DLGAP1: variants seen among roughly 807,000 people sequenced by gnomAD.
DLGAP1 encodes disks large-associated protein 1.
A neutral mutation model predicts 90.8 loss-of-function variants in DLGAP1; 11 were observed. That is an observed-to-expected ratio of 0.12 (90% CI 0.08 to 0.20). The LOEUF (loss-of-function observed/expected upper bound fraction) is 0.20. DLGAP1 is among the 10% of genes least tolerant of loss of function. DLGAP1 has a pLI of 1.00. For missense variants in DLGAP1, 1,050 were observed against 1,333.8 expected (o/e 0.79, Z 3.31); for synonymous variants, 558 against 540.7 (o/e 1.03, Z -0.44).
chr18:4,101,562 C>T (rs551880308), intron 2 of DLGAP1, among the ~76,000 whole-genome samples: 6 of 152,154 alleles, frequency 3.9e-5, no homozygotes, highest in South Asian at 2.1e-4. Flanking sequence ...ACTCGCATAA[C>T]GCAGGGTTGC....
At chr18:3,990,628 T>TATAATAATAATA (rs77930009) in intron 3 of DLGAP1, among the ~76,000 whole-genome samples, 135 of 143,246 alleles carry the variant, frequency 9.4e-4, no homozygotes, top group African/African-American at 2.0e-3. Context: ...AAACTTAAAA[T>TATAATAATAATA]ATAATAATAA....
At chr18:3,876,564 G>T (rs2071010564) in intron 4 of DLGAP1, among the ~76,000 whole-genome samples, 1 of 152,162 alleles carries the variant, frequency 6.6e-6, no homozygotes, top group South Asian at 2.1e-4. Context: ...AATAATTTCA[G>T]AATTGAAAAC....
chr18:4,380,683 C>T (rs140005648), intron 1 of DLGAP1, among the ~76,000 whole-genome samples: 12 of 152,292 alleles, frequency 7.9e-5, no homozygotes, highest in African/African-American at 2.2e-4. Flanking sequence ...CTGTGCACCC[C>T]GTTCTGGCTT....
At chr18:3,704,765 T>C (rs1374780251) in intron 7 of DLGAP1, among the ~76,000 whole-genome samples, 2 of 152,074 alleles carry the variant, frequency 1.3e-5, no homozygotes, top group Admixed American at 6.6e-5. Context: ...GGGTTGGAGG[T>C]ATCTTGCCAA....
At chr18:4,310,605 CATACAT>C (rs1338809945) in intron 1 of DLGAP1, among the ~76,000 whole-genome samples, 1 of 152,168 alleles carries the variant, frequency 6.6e-6, no homozygotes, top group East Asian at 1.9e-4. Flanking sequence ...TACAGGTTTA[CATACAT>C]TTTCTGACTC....
intron 4 of DLGAP1, among the ~76,000 whole-genome samples, chr18:3,834,236 G>A (rs941862396): frequency 1.3e-5 from 2 of 150,666 alleles, no homozygotes; most frequent in African/African-American, 2.4e-5. Context: ...AACCCAGGAG[G>A]CGGAGCTTGC....
At chr18:4,170,752 T>C (rs1049931846) in intron 1 of DLGAP1, among the ~76,000 whole-genome samples, 3 of 152,190 alleles carry the variant, frequency 2.0e-5, no homozygotes, top group African/African-American at 7.2e-5. Context: ...CCTTACTTAT[T>C]TAAATAAGAA....
chr18:4,183,500 A>G (rs1470872494), intron 1 of DLGAP1, among the ~76,000 whole-genome samples: 1 of 152,172 alleles, frequency 6.6e-6, no homozygotes, highest in African/African-American at 2.4e-5. Flanking sequence ...GGTACAAGCC[A>G]CTTTATTGAC....
Position 4,360,246 on chromosome 18 carries a change from T to A in DLGAP1, c.-267+94760A>T, listed in dbSNP as rs74516912. Among the ~76,000 whole-genome samples the A allele has an allele frequency of 4.6e-3, 696 of 152,232 alleles. 2 individuals are homozygous for A. Among genetic ancestry groups the A allele is most frequent in the Middle Eastern group, 0.02 (6 of 294 alleles). ...TTTTGTGGCATTAGACAGGGTGGAATGGAATATGTGTACTTGGGAGCAAAT... is the reference window on the plus strand; with the variant it reads ...TTTTGTGGCATTAGACAGGGTGGAAAGGAATATGTGTACTTGGGAGCAAAT... On this transcript the variant is annotated intron_variant, in intron 1 of 12. Coordinates refer to ENST00000315677, the MANE Select transcript of DLGAP1 (RefSeq NM_004746.4).
intron 6 of DLGAP1, among the ~76,000 whole-genome samples, chr18:3,732,739 G>C (rs2062487966): frequency 6.6e-6 from 1 of 152,040 alleles, no homozygotes; most frequent in Non-Finnish European, 1.5e-5. Flanking sequence ...TTGATATCTG[G>C]TATGACAAGG....
chr18:3,845,517 G>C, intron 4 of DLGAP1: 1 of 984,296 alleles, frequency 1.0e-6, no homozygotes, highest in Non-Finnish European at 1.2e-6. Context: ...TGAATACTTA[G>C]TGCAGATTTT....
At chr18:3,829,695 T>A (rs930874080) in intron 4 of DLGAP1, among the ~76,000 whole-genome samples, 26 of 152,320 alleles carry the variant, frequency 1.7e-4, no homozygotes, top group African/African-American at 6.3e-4. Flanking sequence ...CAATTTTTGG[T>A]CATAAGGCCT....
At chr18:3,760,620 G>A (rs908664250) in intron 5 of DLGAP1, among the ~76,000 whole-genome samples, 1 of 152,136 alleles carries the variant, frequency 6.6e-6, no homozygotes, top group African/African-American at 2.4e-5. Context: ...TCATACACAT[G>A]TGGGCAAATC....
At chr18:3,600,651 T>C (rs537484027) in intron 7 of DLGAP1, among the ~76,000 whole-genome samples, 32 of 147,404 alleles carry the variant, frequency 2.2e-4, no homozygotes, top group Non-Finnish European at 4.3e-4. Flanking sequence ...AGAATGGAGA[T>C]ATAGATATCT....
At chr18:4,405,426 GA>G (rs201056514) in intron 1 of DLGAP1, among the ~76,000 whole-genome samples, 126 of 149,568 alleles carry the variant, frequency 8.4e-4, no homozygotes, top group Non-Finnish European at 1.7e-3. Flanking sequence ...AAGGAAGGGA[GA>G]AAAAAAAACA....
At chr18:3,918,523 A>T (rs1025970244) in intron 3 of DLGAP1, among the ~76,000 whole-genome samples, 7 of 152,200 alleles carry the variant, frequency 4.6e-5, no homozygotes, top group Non-Finnish European at 1.0e-4. Flanking sequence ...GGGGAAAAAA[A>T]TGCCATTCAG....
At chr18:4,269,261 T>C (rs1411622115) in intron 1 of DLGAP1, among the ~76,000 whole-genome samples, 1 of 150,084 alleles carries the variant, frequency 6.7e-6, no homozygotes, top group African/African-American at 2.4e-5. Context: ...TCCCTGAAAG[T>C]ATAAATAATT....
rs561036800 is a variant in DLGAP1, at chr18:4,107,448, CA to C, written c.-159+43731del. ...GCTCCCCTTTCCCTATCCTGCTTCC[CA>C]ATGTACTTGTTCCCCATGACCCAGA... is the stretch of plus-strand genomic sequence containing the variant. On this transcript the variant is annotated intron_variant, in intron 2 of 12. Coordinates refer to ENST00000315677, the MANE Select transcript of DLGAP1 (RefSeq NM_004746.4). Among the ~76,000 whole-genome samples, 387 of 152,304 alleles carry C rather than the reference CA, an allele frequency of 2.5e-3. 2 individuals carry two copies. Among genetic ancestry groups the C allele is most frequent in the Non-Finnish European group, 3.6e-3 (242 of 68,022 alleles).
chr18:4,307,709 C>CTTT (rs34193366), intron 1 of DLGAP1, among the ~76,000 whole-genome samples: 33 of 107,192 alleles, frequency 3.1e-4, no homozygotes, highest in East Asian at 8.9e-4. Context: ...TGAGGGTTTA[C>CTTT]TTTTTTTTTT....
Sources: gnomAD v4.1 joint callset for allele counts (sites outside exome capture counted in the v4.1 genomes callset) on GRCh38, gnomAD v4.1.1 for gene constraint, MANE v1.5 for transcripts, NCBI Gene and HGNC (gene_info 2026-07-23, HGNC 2026-07-21) for gene names.